The following UNC13B variants were observed in gnomAD, a reference collection of about 807,000 sequenced individuals.
UNC13B encodes the protein unc-13 homolog B.
UNC13B carries 144 observed loss-of-function variants against 211.0 expected under a neutral mutation model. The observed-to-expected ratio is 0.68, with a 90% confidence interval of 0.60 to 0.78. The LOEUF (loss-of-function observed/expected upper bound fraction) is 0.78. UNC13B is among the 30% of genes least tolerant of loss of function. The pLI is 0.00. For synonymous variants in UNC13B, 709 were observed against 725.8 expected, an observed-to-expected ratio of 0.98 and a Z score of 0.37; for missense variants, 1,777 against 2,002.0, an observed-to-expected ratio of 0.89 and a Z score of 2.14.
intron 11 of UNC13B, among the ~76,000 whole-genome samples, chr9:35,335,832 T>C (rs1831623180): frequency 6.6e-6 from 1 of 151,930 alleles, no homozygotes. Context: ...GGGATTAGAA[T>C]AGCTAGGACT....
intron 6 of UNC13B, among the ~76,000 whole-genome samples, chr9:35,247,974 T>C (rs1258138343): frequency 1.3e-5 from 2 of 152,094 alleles, no homozygotes; most frequent in Non-Finnish European, 1.5e-5. Context: ...GCTGTGAATC[T>C]GTCTGGTCCT....
chr9:35,303,457 C>T lies in UNC13B; in HGVS notation c.4053C>T (p.Asn1351=). Residue 1351 remains asparagine, a synonymous_variant, in exon 9 of 40, where the codon AAC becomes AAT. Coordinates refer to ENST00000635942, the MANE Select transcript of UNC13B (RefSeq NM_001371189.2). ...ACTATCAGGCTTTTGAAGAGATGAACAGTCCTTTCTGTTTTGAATGGGACT... is the reference window on the plus strand; with the variant it reads ...ACTATCAGGCTTTTGAAGAGATGAATAGTCCTTTCTGTTTTGAATGGGACT... ...SNNYQAFEEM[N]SPFCFEWDSD... The T allele has an allele frequency of 2.5e-6, 1 of 398,796 alleles. No individual in the cohort carries two copies. The allele number at this position is 398,796 out of a possible 1,614,324, so 24.7% of individuals were successfully genotyped here.
intron 11 of UNC13B, among the ~76,000 whole-genome samples, 196 bp from the exon 12 acceptor site, chr9:35,366,751 C>G (rs1277659695): frequency 6.6e-6 from 1 of 152,130 alleles, no homozygotes; most frequent in African/African-American, 2.4e-5. Context: ...ACCAAGGAGA[C>G]AGGTACCACT....
At chr9:35,363,485 T>C (rs552555736) in intron 11 of UNC13B, among the ~76,000 whole-genome samples, 2 of 152,342 alleles carry the variant, frequency 1.3e-5, no homozygotes, top group South Asian at 4.1e-4. Context: ...TTCCTGGAGC[T>C]GCACTGTTTT....
chr9:35,358,428 G>A (rs1833174033), intron 11 of UNC13B, among the ~76,000 whole-genome samples: 1 of 152,066 alleles, frequency 6.6e-6, no homozygotes. Flanking sequence ...GGGCACAAGG[G>A]TTCCTTCCAA....
intron 4 of UNC13B, 149 bp from the exon 5 acceptor site, chr9:35,237,554 G>A: frequency 1.1e-6 from 1 of 899,548 alleles, no homozygotes. Context: ...TGCAGTGGAG[G>A]CAGGTGGTGA....
chr9:35,397,842 TCAGATC>T (rs1280479571), intron 30 of UNC13B, 130 bp downstream of exon 30: 20 of 937,520 alleles, frequency 2.1e-5, no homozygotes, highest in Non-Finnish European at 3.1e-5. Flanking sequence ...TGGCTTTGCT[TCAGATC>T]CATGCCACAA....
intron 11 of UNC13B, among the ~76,000 whole-genome samples, chr9:35,319,525 G>A (rs775005431): frequency 2.6e-4 from 40 of 151,318 alleles, no homozygotes; most frequent in South Asian, 1.0e-3. Flanking sequence ...CACCCATGTA[G>A]TGAACATAGT....
chr9:35,265,220 T>G (rs560394616), intron 7 of UNC13B, among the ~76,000 whole-genome samples: 5 of 152,190 alleles, frequency 3.3e-5, no homozygotes, highest in Non-Finnish European at 7.3e-5. Context: ...TTTGACTGTA[T>G]TTGGACATAG....
chr9:35,371,661 A>G (rs1834133801), intron 13 of UNC13B, among the ~76,000 whole-genome samples: 1 of 151,618 alleles, frequency 6.6e-6, no homozygotes, highest in Admixed American at 6.6e-5. Context: ...GCCCATGAGC[A>G]AGTATCTAGT....
At chr9:35,309,144 A>T (rs1228206228) in intron 9 of UNC13B, among the ~76,000 whole-genome samples, 2 of 152,132 alleles carry the variant, frequency 1.3e-5, no homozygotes, top group African/African-American at 4.8e-5. Context: ...TCCCCTAAGA[A>T]GCAGTACCAT....
intron 2 of UNC13B, among the ~76,000 whole-genome samples, chr9:35,229,423 A>G (rs1318684481): frequency 6.6e-6 from 1 of 152,066 alleles, no homozygotes; most frequent in Admixed American, 6.6e-5. Context: ...TTCTATGCTT[A>G]CCCATCTTGT....
chr9:35,342,287 C>G (rs1832050200), intron 11 of UNC13B: 1 of 985,632 alleles, frequency 1.0e-6, no homozygotes, highest in African/African-American at 1.7e-5. Context: ...CTTGAGAATT[C>G]ATGGTTTTAA....
intron 1 of UNC13B, among the ~76,000 whole-genome samples, chr9:35,166,849 G>C (rs1483575148): frequency 1.3e-5 from 2 of 152,118 alleles, no homozygotes; most frequent in African/African-American, 4.8e-5. Flanking sequence ...TGAGTATATA[G>C]GTTCTGCAGT....
chr9:35,368,512 G>A (rs1344808431), intron 12 of UNC13B, among the ~76,000 whole-genome samples: 2 of 152,164 alleles, frequency 1.3e-5, no homozygotes, highest in East Asian at 1.9e-4. Flanking sequence ...TAATGCTGCA[G>A]CGAACATACT....
At chr9:35,279,395 TACTAATTCATTG>T (rs1828358648) in intron 7 of UNC13B, among the ~76,000 whole-genome samples, 1 of 152,258 alleles carries the variant, frequency 6.6e-6, no homozygotes. Context: ...TATGGCTGAA[TACTAATTCATTG>T]TACAGATATA....
Position 35,302,984 on chromosome 9 carries a change from G to A in UNC13B, c.3580G>A (p.Gly1194Ser), listed in dbSNP as rs565523952. The A allele has an allele frequency of 2.2e-4, 89 of 398,570 alleles. No individual in the cohort carries two copies. The highest frequency in any genetic ancestry group is 6.3e-4 in the Middle Eastern group (1 of 1,588). 24.7% of individuals were successfully genotyped at this position (398,570 alleles called of 1,614,324 possible). A position where few individuals can be genotyped will look rare whatever the true frequency, so the allele number is the denominator to read the frequency against. The change falls in exon 9 of 40, where the codon GGT becomes AGT. Residue 1194 changes from glycine (G) to serine (S), a missense_variant. Gly to Ser is a moderately conservative substitution (Grantham distance 56). Coordinates refer to ENST00000635942, the MANE Select transcript of UNC13B (RefSeq NM_001371189.2). ...SGIFNLLSNS[G>S]MIDHKPEEAK... Reference sequence around the variant, plus strand: ...AATATTTAACCTGCTATCAAATAGCGGTATGATTGATCATAAACCAGAGGA... The same window carrying A: ...AATATTTAACCTGCTATCAAATAGCAGTATGATTGATCATAAACCAGAGGA...
rs754437823 is a variant in UNC13B, at chr9:35,382,343, G to A, written c.10656-14G>A. On this transcript the variant is annotated splice_polypyrimidine_tract_variant and intron_variant, in intron 20 of 39. Coordinates refer to ENST00000635942, the MANE Select transcript of UNC13B (RefSeq NM_001371189.2). Reference sequence around the variant, plus strand: ...CTGAAGAGTCTTTGAGGCTGCGGGTGCTGTGTTTTTCAGGCACTTTGCATG... The same window carrying A: ...CTGAAGAGTCTTTGAGGCTGCGGGTACTGTGTTTTTCAGGCACTTTGCATG... The A allele has an allele frequency of 1.2e-6, 2 of 1,608,430 alleles. No individual in the cohort carries two copies. Among genetic ancestry groups the A allele is most frequent in the South Asian group, 2.2e-5 (2 of 89,662 alleles).
chr9:35,340,357 ATGT>A (rs1831912535), intron 11 of UNC13B, among the ~76,000 whole-genome samples: 1 of 152,202 alleles, frequency 6.6e-6, no homozygotes, highest in Non-Finnish European at 1.5e-5. Flanking sequence ...GGGGGAAGCA[ATGT>A]TATTGGAAGA....
Sources: gnomAD v4.1 joint callset for allele counts (sites outside exome capture counted in the v4.1 genomes callset) on GRCh38, gnomAD v4.1.1 for gene constraint, MANE v1.5 for transcripts, NCBI Gene and HGNC (gene_info 2026-07-23, HGNC 2026-07-21) for gene names.